Variants in NTRK2 observed in about 807,000 individuals in gnomAD.
NTRK2 encodes the protein neurotrophic receptor tyrosine kinase 2.
A neutral mutation model predicts 94.5 loss-of-function variants in NTRK2; 13 were observed. The observed-to-expected ratio is 0.14, with a 90% CI of 0.09 to 0.22. The LOEUF (loss-of-function observed/expected upper bound fraction) is 0.22. NTRK2 is among the 10% of genes least tolerant of loss of function. NTRK2 has a pLI of 1.00. For missense variants in NTRK2, 639 were observed against 1,071.2 expected (o/e 0.60, Z 5.63); for synonymous variants, 372 against 407.4 (o/e 0.91, Z 1.05).
intron 14 of NTRK2, among the ~76,000 whole-genome samples, chr9:84,922,068 A>G (rs550197526): frequency 6.6e-6 from 1 of 152,300 alleles, no homozygotes; most frequent in Non-Finnish European, 1.5e-5. Context: ...TGAAGATATG[A>G]CTTAGTGATA....
At chr9:84,872,324 A>C in intron 14 of NTRK2, 1 of 1,103,946 alleles carries the variant, frequency 9.1e-7, no homozygotes. Context: ...AAACATACTA[A>C]CCAGCAAAAT....
intron 10 of NTRK2, among the ~76,000 whole-genome samples, chr9:84,742,251 A>G (rs2063703364): frequency 6.6e-6 from 1 of 152,202 alleles, no homozygotes; most frequent in Admixed American, 6.5e-5. Flanking sequence ...AAAGGGAGGT[A>G]TATCAGTTTC....
intron 2 of NTRK2, among the ~76,000 whole-genome samples, chr9:84,676,782 G>C (rs551766349): frequency 6.6e-6 from 1 of 152,044 alleles, no homozygotes; most frequent in Non-Finnish European, 1.5e-5. Context: ...CATTACTTTT[G>C]CACCAACCTA....
In NTRK2 at chr9:84,867,340, A is replaced by G; in HGVS notation, c.1542A>G (p.Pro514=). The change falls in exon 14 of 19, where the codon CCA becomes CCG. Residue 514 remains proline, a synonymous_variant. Coordinates refer to ENST00000277120, the MANE Select transcript of NTRK2 (RefSeq NM_006180.6). ...SNTPSSSEGG[P]DAVIIGMTKI... Reference sequence around the variant, plus strand: ...CTCCATCTTCTTCGGAAGGTGGCCCAGATGCTGTCATTATTGGAATGACCA... The same window carrying G: ...CTCCATCTTCTTCGGAAGGTGGCCCGGATGCTGTCATTATTGGAATGACCA... 2.5e-6 allele frequency: 4 copies of G among 1,614,126 alleles called. No individual in the cohort carries two copies. Among genetic ancestry groups the G allele is most frequent in the Non-Finnish European group, 3.4e-6 (4 of 1,179,964 alleles).
chr9:85,001,808 C>T (rs538019481), intron 17 of NTRK2, among the ~76,000 whole-genome samples: 1 of 152,322 alleles, frequency 6.6e-6, no homozygotes, highest in Admixed American at 6.5e-5. Flanking sequence ...CTGCGCTGGC[C>T]CCTGACTGAC....
At chr9:84,882,778 A>G (rs2076300915) in intron 14 of NTRK2, among the ~76,000 whole-genome samples, 1 of 151,612 alleles carries the variant, frequency 6.6e-6, no homozygotes, top group South Asian at 2.1e-4. Context: ...TTATTTATTT[A>G]TTTTTCCGAG....
chr9:84,971,443 C>T (rs1041057834), intron 17 of NTRK2, among the ~76,000 whole-genome samples: 5 of 152,174 alleles, frequency 3.3e-5, no homozygotes, highest in Admixed American at 1.3e-4. Flanking sequence ...AGGTTAGATT[C>T]CTGTACTCTG....
chr9:84,810,680 A>G, intron 12 of NTRK2: 1 of 1,599,866 alleles, frequency 6.3e-7, no homozygotes, highest in Non-Finnish European at 8.5e-7. Context: ...TATCCCGGGA[A>G]GTGCTGCTTA....
At chr9:84,811,557 CT>C (rs2071792276) in intron 12 of NTRK2, 2 of 1,065,322 alleles carry the variant, frequency 1.9e-6, no homozygotes, top group Non-Finnish European at 2.3e-6. Flanking sequence ...AGCTTTTCTA[CT>C]CTGAAAAGGC....
At chr9:84,996,198 C>G (rs1357831617) in intron 17 of NTRK2, among the ~76,000 whole-genome samples, 1 of 152,170 alleles carries the variant, frequency 6.6e-6, no homozygotes, top group Non-Finnish European at 1.5e-5. Flanking sequence ...CGGGAAAAAG[C>G]CTCTCTAAAG....
chr9:84,761,414 CA>C (rs1363333818), intron 12 of NTRK2, among the ~76,000 whole-genome samples: 6 of 152,048 alleles, frequency 3.9e-5, no homozygotes, highest in African/African-American at 1.2e-4. Flanking sequence ...GTCAACCACC[CA>C]ACTGAGCCTT....
chr9:84,998,554 C>T (rs933168162), intron 17 of NTRK2, among the ~76,000 whole-genome samples: 1 of 152,216 alleles, frequency 6.6e-6, no homozygotes, highest in East Asian at 1.9e-4. Context: ...CATGCTTTGC[C>T]TCCACGGCCA....
chr9:84,985,582 C>T (rs1365932706), intron 17 of NTRK2, among the ~76,000 whole-genome samples: 4 of 152,202 alleles, frequency 2.6e-5, no homozygotes, highest in Non-Finnish European at 5.9e-5. Context: ...TCTTTGTGCT[C>T]ATTGTTGGTA....
rs776551998 is a variant in NTRK2, at chr9:84,702,348, G to A, written c.288G>A (p.Leu96=). The A allele has an allele frequency of 1.4e-5, 22 of 1,614,132 alleles. No individual in the cohort carries two copies. In the South Asian group the frequency reaches 2.0e-4, roughly 15 times the overall value. The part of the protein sequence containing the change: ...DVEAYVGLRN[L]TIVDSGLKFV... ...TGCATGAAATTATGTGTTTTCACAG[G>A]ACAATTGTGGATTCTGGATTAAAAT... The change falls in exon 4 of 19, where the codon CTG becomes CTA. Residue 96 remains leucine, a splice_region_variant and synonymous_variant. Coordinates refer to ENST00000277120, the MANE Select transcript of NTRK2 (RefSeq NM_006180.6).
At chr9:84,972,341 GA>G (rs1826283591) in intron 17 of NTRK2, among the ~76,000 whole-genome samples, 1 of 152,200 alleles carries the variant, frequency 6.6e-6, no homozygotes, top group Non-Finnish European at 1.5e-5. Context: ...CTTGTCACTG[GA>G]GGGAAGTGTC....
In NTRK2 at chr9:84,815,433, A is replaced by C. The variant is rs1013112372; in HGVS notation, c.1397-45607A>C. 3 of 1,046,032 alleles carry C rather than the reference A, an allele frequency of 2.9e-6. No homozygotes were observed. The African/African-American group carries it at 5.0e-5, about 17-fold the overall frequency. 64.8% of individuals were successfully genotyped at this position (1,046,032 alleles called of 1,614,324 possible). On this transcript the variant is annotated intron_variant, in intron 12 of 18. Coordinates refer to ENST00000277120, the MANE Select transcript of NTRK2 (RefSeq NM_006180.6). ...TACAAAGTAACAAGAGATTCCTAAGAAACGCAAATCCTTGAGTTTCACGCA... is the reference window on the plus strand; with the variant it reads ...TACAAAGTAACAAGAGATTCCTAAGCAACGCAAATCCTTGAGTTTCACGCA...
intron 12 of NTRK2, among the ~76,000 whole-genome samples, chr9:84,804,428 T>C (rs560870075): frequency 1.3e-5 from 2 of 152,320 alleles, no homozygotes; most frequent in South Asian, 4.1e-4. Context: ...TTTGTACAAA[T>C]TGATTCCCAG....
At chr9:84,880,462 A>C (rs1195705079) in intron 14 of NTRK2, among the ~76,000 whole-genome samples, 1 of 152,200 alleles carries the variant, frequency 6.6e-6, no homozygotes, top group Non-Finnish European at 1.5e-5. Flanking sequence ...CCTCTGGCTC[A>C]CCTTCTACAA....
intron 14 of NTRK2, chr9:84,873,336 C>A: frequency 9.4e-7 from 1 of 1,058,604 alleles, no homozygotes; most frequent in Non-Finnish European, 1.1e-6. Flanking sequence ...TAAGTCCATT[C>A]TGCCCAGCAC....
Sources: allele counts gnomAD v4.1 joint callset (sites outside exome capture counted in the v4.1 genomes callset), GRCh38; gene constraint gnomAD v4.1.1; transcripts MANE v1.5; gene names NCBI Gene and HGNC (gene_info 2026-07-23, HGNC 2026-07-21).